The following GULP1 variants were observed in gnomAD, a reference collection of about 807,000 sequenced individuals.
GULP1 encodes GULP PTB domain containing engulfment adaptor 1, also known as PTB domain-containing engulfment adapter protein 1.
Under a neutral mutation model 40.9 loss-of-function variants are expected in GULP1, and 19 were observed. The observed-to-expected ratio is 0.46, with a 90% CI of 0.32 to 0.68. The LOEUF is 0.68. Ranked by LOEUF, GULP1 falls within the 30% of genes least tolerant of loss-of-function variation. The pLI is 0.03. For missense variants in GULP1, 312 were observed against 362.2 expected (o/e 0.86, Z 1.12); for synonymous variants, 119 against 117.6 (o/e 1.01, Z -0.08).
intron 2 of GULP1, among the ~76,000 whole-genome samples, chr2:188,472,288 T>C (rs528962526): frequency 6.6e-6 from 1 of 152,186 alleles, no homozygotes; most frequent in Admixed American, 6.5e-5. Flanking sequence ...TTGTATAACC[T>C]TCTCGTACTT....
chr2:188,380,034 G>C lies in GULP1; in HGVS notation c.-171-3729G>C, dbSNP rs1225111666. ...ATACAGACTTATTTTCCTCTCACTA[G>C]TAACTAAACAATTGGGCATTCAATA... On this transcript the variant is annotated intron_variant, in intron 1 of 11. Transcript: ENST00000409830. 3.3e-5 allele frequency among the ~76,000 whole-genome samples: 5 copies of C among 152,148 alleles called. No homozygotes were observed. In the East Asian group the frequency reaches 9.6e-4, roughly 29 times the overall value.
At chr2:188,566,638 T>TA (rs1249773903) in intron 7 of GULP1, among the ~76,000 whole-genome samples, 4 of 150,152 alleles carry the variant, frequency 2.7e-5, no homozygotes, top group Non-Finnish European at 3.0e-5. Context: ...TCTATAAAAA[T>TA]AAAAAAAATT....
Position 188,483,420 on chromosome 2 carries a change from T to C in GULP1, c.29-11T>C. 6.9e-7 allele frequency: 1 copy of C among 1,458,826 alleles called. No homozygotes were observed. Among genetic ancestry groups the C allele is most frequent in the East Asian group, 2.3e-5 (1 of 43,376 alleles). 90.4% of individuals were successfully genotyped at this position (1,458,826 alleles called of 1,614,324 possible). On this transcript the variant is annotated splice_polypyrimidine_tract_variant and intron_variant, in intron 3 of 11. Coordinates refer to ENST00000409830, the MANE Select transcript of GULP1 (RefSeq NM_016315.4). ...AACCTAAAATTTAACTCTGTGTATTTTTTATTGCAGACAAAACATGGATGC... is the reference window on the plus strand; with the variant it reads ...AACCTAAAATTTAACTCTGTGTATTCTTTATTGCAGACAAAACATGGATGC...
intron 2 of GULP1, among the ~76,000 whole-genome samples, chr2:188,395,202 A>G (rs1461283207): frequency 6.6e-6 from 1 of 152,190 alleles, no homozygotes; most frequent in Non-Finnish European, 1.5e-5. Context: ...CTGTCAGGCC[A>G]GCAGGAAAGC....
chr2:188,460,430 T>TC (rs1306827519), intron 2 of GULP1, among the ~76,000 whole-genome samples: 1 of 151,764 alleles, frequency 6.6e-6, no homozygotes, highest in African/African-American at 2.4e-5. Flanking sequence ...ATTCTTTTTT[T>TC]TTTTTTAGAT....
At chr2:188,317,252 C>T (rs1009571880) in intron 1 of GULP1, among the ~76,000 whole-genome samples, 5 of 152,046 alleles carry the variant, frequency 3.3e-5, no homozygotes, top group African/African-American at 1.2e-4. Context: ...TATGTATGCA[C>T]AGATGTAGGT....
At chr2:188,589,743 C>A in intron 11 of GULP1, 2 of 1,394,946 alleles carry the variant, frequency 1.4e-6, no homozygotes, top group South Asian at 1.5e-5. Context: ...TGGGTAGCGC[C>A]AGAGATGGTT....
intron 4 of GULP1, among the ~76,000 whole-genome samples, chr2:188,489,491 T>C (rs2062161004): frequency 6.6e-6 from 1 of 152,098 alleles, no homozygotes. Flanking sequence ...AAAAAACATT[T>C]TATTAGATTT....
chr2:188,416,165 C>T (rs1306792047), intron 2 of GULP1, among the ~76,000 whole-genome samples: 1 of 151,742 alleles, frequency 6.6e-6, no homozygotes, highest in Non-Finnish European at 1.5e-5. Context: ...TCTTTCTTCC[C>T]CTCTCTCTTT....
chr2:188,541,439 G>A (rs765955004), intron 7 of GULP1, 121 bp downstream of exon 7: 1 of 863,882 alleles, frequency 1.2e-6, no homozygotes, highest in Non-Finnish European at 2.0e-6. Flanking sequence ...TCTGTAAAAA[G>A]TCTGTAAATA....
chr2:188,417,983 T>C (rs1446547051), intron 2 of GULP1, among the ~76,000 whole-genome samples: 5 of 151,882 alleles, frequency 3.3e-5, no homozygotes, highest in Non-Finnish European at 7.4e-5. Context: ...TGTTTTGTTT[T>C]GTTTTGTTTT....
At chr2:188,434,375 C>T (rs13391898) in intron 2 of GULP1, among the ~76,000 whole-genome samples, 2,665 of 150,558 alleles carry the variant, frequency 0.018, 78 homozygotes, top group African/African-American at 0.061. Context: ...TAGAATATGT[C>T]TCCTTCTTGG....
intron 2 of GULP1, among the ~76,000 whole-genome samples, chr2:188,423,198 C>T (rs897063951): frequency 1.3e-5 from 2 of 152,054 alleles, no homozygotes; most frequent in African/African-American, 2.4e-5. Context: ...TTGCACCACA[C>T]TCAAAATAGC....
chr2:188,319,397 G>C (rs4667220), intron 1 of GULP1, among the ~76,000 whole-genome samples: 2 of 151,872 alleles, frequency 1.3e-5, no homozygotes, highest in Admixed American at 1.3e-4. Flanking sequence ...TTTCAGACTT[G>C]TACATCTTGA....
At chr2:188,328,721 C>A (rs2041116150) in intron 1 of GULP1, among the ~76,000 whole-genome samples, 1 of 152,012 alleles carries the variant, frequency 6.6e-6, no homozygotes, top group African/African-American at 2.4e-5. Flanking sequence ...TTTACAAAAT[C>A]AAGGAATTGC....
chr2:188,482,707 A>G (rs1189887495), intron 3 of GULP1, among the ~76,000 whole-genome samples: 2 of 151,232 alleles, frequency 1.3e-5, no homozygotes, highest in East Asian at 3.9e-4. Context: ...AATATAAATA[A>G]CAAGATATAA....
chr2:188,559,049 T>C (rs1254346529), intron 7 of GULP1, among the ~76,000 whole-genome samples: 2 of 152,048 alleles, frequency 1.3e-5, no homozygotes, highest in Non-Finnish European at 2.9e-5. Flanking sequence ...GCTACAGAAA[T>C]TTGCATAGGT....
intron 1 of GULP1, among the ~76,000 whole-genome samples, chr2:188,380,640 C>G (rs1173092230): frequency 3.3e-5 from 5 of 151,952 alleles, no homozygotes; most frequent in Non-Finnish European, 5.9e-5. Context: ...AAGAAATATC[C>G]AGGAAAACTC....
intron 2 of GULP1, among the ~76,000 whole-genome samples, chr2:188,391,207 T>C (rs1344755967): frequency 5.3e-5 from 8 of 152,250 alleles, no homozygotes; most frequent in African/African-American, 1.9e-4. Context: ...AGTATGGTCA[T>C]TTTCACATTA....
Sources: gnomAD v4.1 joint callset for allele counts (sites outside exome capture counted in the v4.1 genomes callset) on GRCh38, gnomAD v4.1.1 for gene constraint, MANE v1.5 for transcripts, NCBI Gene and HGNC (gene_info 2026-07-23, HGNC 2026-07-21) for gene names.